The following APBB2 variants were observed in gnomAD, a reference collection of about 807,000 sequenced individuals.
APBB2 encodes the protein Fe65-like 1.
APBB2 carries 38 observed loss-of-function variants against 82.5 expected under a neutral mutation model. The ratio of observed to expected loss-of-function variants is 0.46; its 90% CI spans 0.36 to 0.60. The LOEUF (loss-of-function observed/expected upper bound fraction) is 0.60, where lower values mean the gene tolerates loss of function less well. Among genes scored for constraint, APBB2 ranks in the 20% least tolerant of loss-of-function variants. APBB2 has a pLI of 0.00. For synonymous variants in APBB2, 341 were observed against 368.2 expected (o/e 0.93, Z 0.85); for missense variants, 772 against 972.3 (o/e 0.79, Z 2.74).
At chr4:41,151,541 A>T (rs6447664) in intron 1 of APBB2, among the ~76,000 whole-genome samples, 23 of 152,198 alleles carry the variant, frequency 1.5e-4, no homozygotes, top group African/African-American at 5.3e-4. Flanking sequence ...ATCCTTTAAG[A>T]AGTTTCTTAG....
Position 40,813,288 on chromosome 4 carries a change from A to AAAT in APBB2, c.*2801_*2803dup, listed in dbSNP as rs1196062844. ...ACAATAATGCAGTATATTTCAGTAA[A>AAAT]AATAGAATAAATAAAATAAAAATAT... On this transcript the variant is annotated 3_prime_UTR_variant, in exon 18 of 18. Coordinates refer to ENST00000508593, the MANE Select transcript of APBB2 (RefSeq NM_004307.2). 6.6e-6 allele frequency: 1 copy of AAAT among 152,232 alleles called. No homozygotes were observed. Among genetic ancestry groups the AAAT allele is most frequent in the African/African-American group, 2.4e-5 (1 of 41,450 alleles). The allele number at this position is 152,232 out of a possible 1,614,324, so 9.4% of individuals were successfully genotyped here.
chr4:41,178,997 T>C (rs1286638917), intron 1 of APBB2, among the ~76,000 whole-genome samples: 1 of 152,252 alleles, frequency 6.6e-6, no homozygotes, highest in East Asian at 1.9e-4. Flanking sequence ...TATTAAGGAC[T>C]GTGATTGATG....
At chr4:41,201,363 A>G (rs1002555604) in intron 1 of APBB2, among the ~76,000 whole-genome samples, 1 of 152,258 alleles carries the variant, frequency 6.6e-6, no homozygotes, top group African/African-American at 2.4e-5. Context: ...CATGTAGTTG[A>G]ATAAAAAGCA....
intron 3 of APBB2, among the ~76,000 whole-genome samples, chr4:41,098,853 C>A (rs1446737036): frequency 6.6e-6 from 1 of 152,166 alleles, no homozygotes; most frequent in African/African-American, 2.4e-5. Context: ...AATCATTTGA[C>A]CTTTTTGTTC....
At chr4:40,932,412 G>C (rs1041423396) in intron 10 of APBB2, among the ~76,000 whole-genome samples, 1 of 152,196 alleles carries the variant, frequency 6.6e-6, no homozygotes, top group Non-Finnish European at 1.5e-5. Flanking sequence ...AAGCTGACTT[G>C]ACCAGAAGCA....
At chr4:41,128,235 C>T (rs1009177286) in intron 2 of APBB2, among the ~76,000 whole-genome samples, 1 of 152,140 alleles carries the variant, frequency 6.6e-6, no homozygotes, top group Non-Finnish European at 1.5e-5. Context: ...TTATACCAGC[C>T]AGAATGGTTA....
intron 6 of APBB2, among the ~76,000 whole-genome samples, chr4:40,957,152 T>G (rs1034368854): frequency 6.6e-6 from 1 of 152,254 alleles, no homozygotes; most frequent in African/African-American, 2.4e-5. Context: ...GGGCACATAG[T>G]AATCACTCAG....
At chr4:41,136,992 T>C (rs1050210667) in intron 2 of APBB2, among the ~76,000 whole-genome samples, 1 of 152,202 alleles carries the variant, frequency 6.6e-6, no homozygotes, top group Non-Finnish European at 1.5e-5. Flanking sequence ...ATTTCTAATA[T>C]AATTATTTTA....
At chr4:40,854,616 G>C (rs1433737066) in intron 12 of APBB2, among the ~76,000 whole-genome samples, 1 of 152,020 alleles carries the variant, frequency 6.6e-6, no homozygotes, top group Non-Finnish European at 1.5e-5. Context: ...GCGAAACCCT[G>C]TCTCTACTAA....
At chr4:40,969,041 C>A (rs1795333980) in intron 6 of APBB2, among the ~76,000 whole-genome samples, 1 of 152,220 alleles carries the variant, frequency 6.6e-6, no homozygotes, top group Admixed American at 6.5e-5. Context: ...GTGTCTTTCG[C>A]CTTCCACCAT....
chr4:40,825,834 C>A, intron 15 of APBB2, 53 bp downstream of exon 15: 3 of 1,490,310 alleles, frequency 2.0e-6, no homozygotes, highest in Non-Finnish European at 2.8e-6. Context: ...CGAACGCCTC[C>A]TGTGAGCTCC....
chr4:41,124,501 C>G (rs1469145727), intron 2 of APBB2, among the ~76,000 whole-genome samples: 2 of 152,104 alleles, frequency 1.3e-5, no homozygotes, highest in African/African-American at 2.4e-5. Context: ...TGAGCCACCG[C>G]GCCTGGCCTC....
chr4:41,159,101 G>C (rs1475633787), intron 1 of APBB2, among the ~76,000 whole-genome samples: 1 of 152,198 alleles, frequency 6.6e-6, no homozygotes, highest in Non-Finnish European at 1.5e-5. Context: ...ATGTAGGAAG[G>C]AGTTCTCCAC....
At chr4:40,917,432 G>A (rs1780129909) in intron 10 of APBB2, among the ~76,000 whole-genome samples, 1 of 152,110 alleles carries the variant, frequency 6.6e-6, no homozygotes, top group African/African-American at 2.4e-5. Context: ...CCCACCACCT[G>A]CTACGGTCCC....
intron 2 of APBB2, among the ~76,000 whole-genome samples, chr4:41,134,137 AT>A (rs35906021): frequency 1.1e-4 from 16 of 151,616 alleles, no homozygotes; most frequent in South Asian, 4.2e-4. Context: ...TACCTGGCTA[AT>A]TTTTTTTTAA....
Position 40,857,109 on chromosome 4 carries a change from C to A in APBB2, c.1530-26532G>T, listed in dbSNP as rs528847037. On this transcript the variant is annotated intron_variant, in intron 12 of 17. Coordinates refer to ENST00000508593, the MANE Select transcript of APBB2 (RefSeq NM_004307.2). ...GCCCCAGGGTGCCGGCACCAGCCAGCGGTGCCGTCGCTCAAGCAGCCGCGC... is the reference window on the plus strand; with the variant it reads ...GCCCCAGGGTGCCGGCACCAGCCAGAGGTGCCGTCGCTCAAGCAGCCGCGC... 7.1e-4 allele frequency: 698 copies of A among 985,480 alleles called. 4 individuals carry two copies. The African/African-American group carries it at 0.011, about 16-fold the overall frequency. 61.0% of individuals were successfully genotyped at this position (985,480 alleles called of 1,614,324 possible). A position where few individuals can be genotyped will look rare whatever the true frequency, so the allele number is the denominator to read the frequency against.
At position 40,985,967 on chromosome 4, in the gene APBB2, G is replaced by C. The variant is rs963098824; in HGVS notation, c.835+27616C>G. On this transcript the variant is annotated intron_variant, in intron 6 of 17. Coordinates refer to ENST00000508593, the MANE Select transcript of APBB2 (RefSeq NM_004307.2). Reference sequence around the variant, plus strand: ...TCAACTCCGGTAATAGGTTGTCCCAGAGAAGAAATAAGTGACACATAAATA... The same window carrying C: ...TCAACTCCGGTAATAGGTTGTCCCACAGAAGAAATAAGTGACACATAAATA... Among the ~76,000 whole-genome samples the C allele has an allele frequency of 2.0e-5, 3 of 152,156 alleles. No individual in the cohort carries two copies. In the South Asian group the frequency reaches 6.2e-4, roughly 32 times the overall value.
chr4:41,092,896 T>C (rs1742264354), intron 3 of APBB2, among the ~76,000 whole-genome samples: 3 of 152,140 alleles, frequency 2.0e-5, no homozygotes, highest in Admixed American at 2.0e-4. Context: ...TCCATTCTGC[T>C]GCTGTTTCAC....
chr4:41,120,441 A>G (rs756432695), intron 2 of APBB2, among the ~76,000 whole-genome samples: 3 of 152,204 alleles, frequency 2.0e-5, no homozygotes, highest in Non-Finnish European at 4.4e-5. Flanking sequence ...CCGACACATG[A>G]GCAAAAGCCA....
Sources: gnomAD v4.1 joint callset for allele counts (sites outside exome capture counted in the v4.1 genomes callset) on GRCh38, gnomAD v4.1.1 for gene constraint, MANE v1.5 for transcripts, NCBI Gene and HGNC (gene_info 2026-07-23, HGNC 2026-07-21) for gene names.